Variants in ITPR1 observed in about 807,000 individuals in gnomAD.
The protein encoded by ITPR1 is inositol 1,4,5-trisphosphate-gated calcium channel ITPR1.
ITPR1 carries 96 observed loss-of-function variants against 318.4 expected under a neutral mutation model. The observed-to-expected ratio is 0.30, with a 90% CI of 0.26 to 0.36. The LOEUF is 0.36. Ranked by LOEUF, ITPR1 falls within the 10% of genes least tolerant of loss-of-function variation. The pLI, the probability that ITPR1 is intolerant of heterozygous loss-of-function variation, is 1.00. For synonymous variants in ITPR1, 1,312 were observed against 1,289.9 expected, an observed-to-expected ratio of 1.02 and a Z score of -0.37; for missense variants, 2,440 against 3,460.2, an observed-to-expected ratio of 0.71 and a Z score of 7.40.
chr3:4,559,366 A>G (rs974014693), intron 4 of ITPR1, among the ~76,000 whole-genome samples: 1 of 152,170 alleles, frequency 6.6e-6, no homozygotes, highest in African/African-American at 2.4e-5. Flanking sequence ...AAAAATTTTC[A>G]AGAAGTTTTA....
intron 44 of ITPR1, among the ~76,000 whole-genome samples, chr3:4,760,224 A>C (rs2045340883): frequency 6.6e-6 from 1 of 152,198 alleles, no homozygotes; most frequent in Non-Finnish European, 1.5e-5. Flanking sequence ...GCAATCTCCT[A>C]AGACTCTGGT....
intron 4 of ITPR1, among the ~76,000 whole-genome samples, chr3:4,530,883 T>C (rs1575429840): frequency 6.6e-6 from 1 of 152,140 alleles, no homozygotes; most frequent in Admixed American, 6.5e-5. Context: ...TCTCCTTGAC[T>C]CCTAATGTTT....
chr3:4,543,372 G>A (rs2084656129), intron 4 of ITPR1, among the ~76,000 whole-genome samples: 1 of 152,154 alleles, frequency 6.6e-6, no homozygotes, highest in Admixed American at 6.5e-5. Flanking sequence ...CTGGGGACTT[G>A]GATTACCTGT....
At chr3:4,807,959 G>T (rs1033498727) in intron 55 of ITPR1, among the ~76,000 whole-genome samples, 2 of 152,162 alleles carry the variant, frequency 1.3e-5, no homozygotes, top group African/African-American at 2.4e-5. Context: ...TGCCCCTTTG[G>T]TCAACGCCAC....
intron 4 of ITPR1, among the ~76,000 whole-genome samples, chr3:4,568,971 C>T (rs1409034212): frequency 6.6e-6 from 1 of 151,970 alleles, no homozygotes; most frequent in Non-Finnish European, 1.5e-5. Flanking sequence ...ATGGCAAAAG[C>T]AGGAGCAAGA....
intron 43 of ITPR1, 111 bp downstream of exon 43, chr3:4,733,331 A>G: frequency 3.0e-6 from 4 of 1,312,804 alleles, no homozygotes; most frequent in Non-Finnish European, 4.2e-6. Context: ...TTTGTGTTGC[A>G]GGTGTATTTT....
intron 24 of ITPR1, among the ~76,000 whole-genome samples, chr3:4,680,108 C>G (rs919066660): frequency 2.6e-5 from 4 of 152,182 alleles, no homozygotes; most frequent in Non-Finnish European, 5.9e-5. Flanking sequence ...CAACCAGAAA[C>G]AGGAAATAGG....
chr3:4,628,438 T>C (rs2092910255), intron 5 of ITPR1, among the ~76,000 whole-genome samples: 1 of 152,210 alleles, frequency 6.6e-6, no homozygotes, highest in Admixed American at 6.5e-5. Context: ...TGTGTGACCA[T>C]AGCAAGTTTT....
At chr3:4,630,085 T>C (rs1164621120) in intron 5 of ITPR1, among the ~76,000 whole-genome samples, 1 of 152,126 alleles carries the variant, frequency 6.6e-6, no homozygotes, top group Admixed American at 6.5e-5. Flanking sequence ...TTTAAAAAAT[T>C]ATAAAGGAGA....
chr3:4,770,990 G>A (rs1274220852), intron 46 of ITPR1, among the ~76,000 whole-genome samples: 3 of 152,136 alleles, frequency 2.0e-5, no homozygotes, highest in Non-Finnish European at 4.4e-5. Context: ...GCTGGGAGTG[G>A]GGGAATCCTG....
intron 35 of ITPR1, among the ~76,000 whole-genome samples, chr3:4,700,955 A>G (rs760341707): frequency 4.6e-5 from 7 of 152,204 alleles, no homozygotes; most frequent in Non-Finnish European, 7.4e-5. Context: ...AGCATGGGAA[A>G]GACCCACCCC....
chr3:4,524,300 C>G (rs1043363855), intron 4 of ITPR1, among the ~76,000 whole-genome samples: 7 of 58,344 alleles, frequency 1.2e-4, no homozygotes, highest in Non-Finnish European at 2.3e-4. Context: ...CATACTTTGA[C>G]GTTTTTTTTT....
intron 31 of ITPR1, 111 bp downstream of exon 31, chr3:4,688,731 A>G (rs979807478): frequency 2.0e-6 from 2 of 1,011,810 alleles, no homozygotes; most frequent in Non-Finnish European, 2.9e-6. Flanking sequence ...TTATAATGCA[A>G]CATTCATTCC....
At chr3:4,702,806 G>A (rs376953182) in intron 35 of ITPR1, 24 bp from the exon 36 acceptor site, 67 of 1,610,968 alleles carry the variant, frequency 4.2e-5, no homozygotes, top group Middle Eastern at 1.6e-4. Flanking sequence ...TGTTTTTCAC[G>A]TTGCCTCTTT....
At chr3:4,573,236 CTA>C (rs1330080428) in intron 4 of ITPR1, among the ~76,000 whole-genome samples, 1 of 152,212 alleles carries the variant, frequency 6.6e-6, no homozygotes, top group African/African-American at 2.4e-5. Context: ...TTCTCCACAT[CTA>C]TCCAAACCTT....
intron 60 of ITPR1, among the ~76,000 whole-genome samples, chr3:4,821,811 G>C (rs2049740446): frequency 6.6e-6 from 1 of 152,196 alleles, no homozygotes; most frequent in African/African-American, 2.4e-5. Flanking sequence ...TCTGGAGGGA[G>C]GGAAAGAGGG....
rs553041823 is a variant in ITPR1, at chr3:4,631,367, A to G, written c.279+3489A>G. 2.6e-3 allele frequency among the ~76,000 whole-genome samples: 398 copies of G among 152,296 alleles called. 2 individuals are homozygous for G. Among genetic ancestry groups the G allele is most frequent in the Non-Finnish European group, 4.3e-3 (291 of 68,014 alleles). On this transcript the variant is annotated intron_variant, in intron 5 of 61. Transcript: ENST00000649015. ...TAATCTGCGCATAATCCCTGTGACC[A>G]TTGTTAGTATACCTGAGTATTTATG...
chr3:4,570,603 A>G (rs1168567585), intron 4 of ITPR1, among the ~76,000 whole-genome samples: 2 of 152,226 alleles, frequency 1.3e-5, no homozygotes, highest in Non-Finnish European at 2.9e-5. Flanking sequence ...TTATTTATAT[A>G]TTTATTTTAC....
intron 53 of ITPR1, among the ~76,000 whole-genome samples, chr3:4,798,651 T>G (rs577928685): frequency 4.6e-5 from 7 of 152,380 alleles, no homozygotes; most frequent in Admixed American, 4.6e-4. Context: ...CATGAATGTT[T>G]CTAGTAGCAT....
Sources: allele counts gnomAD v4.1 joint callset (sites outside exome capture counted in the v4.1 genomes callset), GRCh38; gene constraint gnomAD v4.1.1; transcripts MANE v1.5; gene names NCBI Gene and HGNC (gene_info 2026-07-23, HGNC 2026-07-21).